The following ATP11C variants were observed in gnomAD, a reference collection of about 807,000 sequenced individuals.
ATP11C encodes the protein ATPase phospholipid transporting 11C (ATP11C blood group).
In ATP11C, 36 loss-of-function variants were observed where a neutral mutation model predicts 97.4. The observed-to-expected ratio is 0.37, with a 90% CI of 0.28 to 0.49. The LOEUF is 0.49. Among genes scored for constraint, ATP11C ranks in the 20% least tolerant of loss-of-function variants. The pLI, the probability that ATP11C is intolerant of heterozygous loss-of-function variation, is 0.98. For missense variants in ATP11C, 730 were observed against 824.6 expected (o/e 0.89, Z 1.40); for synonymous variants, 275 against 290.9 (o/e 0.95, Z 0.56).
chrX:139,862,823 T>C (rs2084224076), intron 1 of ATP11C, among the ~76,000 whole-genome samples: 1 of 112,071 alleles, frequency 8.9e-6, no homozygotes, highest in Non-Finnish European at 1.9e-5. Flanking sequence ...AACCACTATG[T>C]ATACAGTTCT....
intron 14 of ATP11C, among the ~76,000 whole-genome samples, chrX:139,787,876 C>A (rs1195407037): frequency 2.7e-5 from 3 of 112,199 alleles, no homozygotes; most frequent in Non-Finnish European, 5.6e-5. Flanking sequence ...CTGGGAGCAC[C>A]TCAGAAATAA....
At chrX:139,767,569 G>A (rs1378106557) in intron 20 of ATP11C, among the ~76,000 whole-genome samples, 1 of 111,788 alleles carries the variant, frequency 8.9e-6, no homozygotes, top group Non-Finnish European at 1.9e-5. Flanking sequence ...ATATATAGCT[G>A]TCTAGCACAC....
chrX:139,794,358 T>C (rs1410711035), intron 12 of ATP11C, among the ~76,000 whole-genome samples: 2 of 112,395 alleles, frequency 1.8e-5, no homozygotes, highest in East Asian at 5.6e-4. Context: ...CAGGTTACAC[T>C]TAATTTTGTG....
chrX:139,743,448 T>C, intron 26 of ATP11C, 111 bp downstream of exon 26: 1 of 477,536 alleles, frequency 2.1e-6, no homozygotes, highest in African/African-American at 2.4e-5. Flanking sequence ...AACACTTGAA[T>C]AACAACCCAT....
Position 139,745,737 on chromosome X carries a change from T to C in ATP11C, c.2949A>G (p.Leu983=). The C allele has an allele frequency of 1.7e-6, 2 of 1,204,036 alleles. No individual in the cohort carries two copies. Among genetic ancestry groups the C allele is most frequent in the Non-Finnish European group, 2.2e-6 (2 of 892,581 alleles). ...TTCTTTTTACCTTTCCATTTTCTTC[T>C]AGGGATGCAGTCTGAAAAAGAAAGT... The part of the protein sequence containing the change: ...GTYFLFQTAS[L]EENGKVYGNW... The change falls in exon 25 of 30, where the codon CTA becomes CTG. Residue 983 remains leucine, a synonymous_variant. Transcript: ENST00000682941.
chrX:139,829,186 T>C lies in ATP11C; in HGVS notation c.28-2363A>G, dbSNP rs777948702. Among the ~76,000 whole-genome samples the C allele has an allele frequency of 5.4e-5, 6 of 111,636 alleles. No homozygotes were observed. In the South Asian group the frequency reaches 1.5e-3, roughly 28 times the overall value. On this transcript the variant is annotated intron_variant, in intron 1 of 29. Transcript: ENST00000682941. ...GTCCACTCCTGAGCATTTTCCAAAA[T>C]AGCATTTTACAGTCTCTTTACCCTA...
chrX:139,727,337 T>A lies in ATP11C; in HGVS notation c.*1629A>T, dbSNP rs1324045904. The A allele has an allele frequency of 8.9e-6, 1 of 111,941 alleles. No individual in the cohort carries two copies. 9.2% of individuals were successfully genotyped at this position (111,941 alleles called of 1,213,427 possible). On this transcript the variant is annotated 3_prime_UTR_variant, in exon 30 of 30. Transcript: ENST00000682941. ...ATAGAGACTTTTGTTTTCAGCAGCT[T>A]ACCTCAAATACGGGCTACCAGAACA...
chrX:139,786,493 G>GTACC (rs201710546), intron 15 of ATP11C, among the ~76,000 whole-genome samples: 4,818 of 111,126 alleles, frequency 0.043, 119 homozygotes, highest in Non-Finnish European at 0.06. Flanking sequence ...CTCTCCAAAA[G>GTACC]GGTGCATTAC....
intron 1 of ATP11C, among the ~76,000 whole-genome samples, chrX:139,899,423 G>A (rs1348362008): frequency 1.9e-5 from 2 of 108,093 alleles, no homozygotes; most frequent in Admixed American, 1.0e-4. Flanking sequence ...GTTGCAGTGA[G>A]CTGAGATCGC....
chrX:139,856,351 G>C (rs887323780), intron 1 of ATP11C, among the ~76,000 whole-genome samples: 2 of 112,966 alleles, frequency 1.8e-5, no homozygotes, highest in Non-Finnish European at 3.7e-5. Flanking sequence ...TGTCTCCCTT[G>C]ACAGGGAGGA....
chrX:139,875,877 G>C (rs187640409), intron 1 of ATP11C, among the ~76,000 whole-genome samples: 1 of 112,015 alleles, frequency 8.9e-6, no homozygotes, highest in Non-Finnish European at 1.9e-5. Flanking sequence ...CTTAGGAGTA[G>C]AGCAGGATAC....
chrX:139,833,508 C>G (rs1437025482), intron 1 of ATP11C, among the ~76,000 whole-genome samples: 2 of 110,383 alleles, frequency 1.8e-5, no homozygotes, highest in African/African-American at 3.3e-5. Flanking sequence ...CATAGTGAGA[C>G]CCCTGTCTCT....
At chrX:139,897,231 T>G (rs1184357827) in intron 1 of ATP11C, among the ~76,000 whole-genome samples, 1 of 110,476 alleles carries the variant, frequency 9.1e-6, no homozygotes, top group Non-Finnish European at 1.9e-5. Flanking sequence ...CTCAAAATAA[T>G]AAGGGAAACT....
rs750153040 is a variant in ATP11C at position 139,787,133 on chromosome X, G to A, written c.1592+40C>T. The A allele has an allele frequency of 5.0e-6, 6 of 1,204,411 alleles. No individual in the cohort carries two copies. The South Asian group carries it at 1.1e-4, about 21-fold the overall frequency. On this transcript the variant is annotated intron_variant, in intron 15 of 29. Coordinates refer to ENST00000682941, the MANE Select transcript of ATP11C (RefSeq NM_001353812.2). ...CTGAATCCACTTAAATTTGACTATGGGGTTAAGAAATGACAAACATCAAAC... is the reference window on the plus strand; with the variant it reads ...CTGAATCCACTTAAATTTGACTATGAGGTTAAGAAATGACAAACATCAAAC...
At chrX:139,848,054 A>T (rs1253171337) in intron 1 of ATP11C, among the ~76,000 whole-genome samples, 1 of 111,119 alleles carries the variant, frequency 9.0e-6, no homozygotes, top group Admixed American at 9.6e-5. Flanking sequence ...TGGCCTCTCC[A>T]TCTCATCTCC....
chrX:139,813,410 A>G (rs1428605048), intron 5 of ATP11C, among the ~76,000 whole-genome samples: 1 of 111,982 alleles, frequency 8.9e-6, no homozygotes, highest in Non-Finnish European at 1.9e-5. Context: ...ACAATTCAGC[A>G]CTTCTTTGTA....
chrX:139,848,179 T>C (rs1289781309), intron 1 of ATP11C, among the ~76,000 whole-genome samples: 1 of 111,825 alleles, frequency 8.9e-6, no homozygotes, highest in African/African-American at 3.3e-5. Flanking sequence ...TGGTCACTTA[T>C]TGCCCATTGG....
rs185263561 is a variant in ATP11C, at chrX:139,826,077, G to A, written c.147+627C>T. Among the ~76,000 whole-genome samples the A allele has an allele frequency of 9.9e-3, 1,112 of 111,917 alleles. 11 individuals are homozygous for A. The highest frequency in any genetic ancestry group is 0.014 in the Non-Finnish European group (756 of 53,145). On this transcript the variant is annotated intron_variant, in intron 2 of 29. Transcript: ENST00000682941. Reference sequence around the variant, plus strand: ...TGGTTGGGCCAGGATTTAAATACAGGTGTTCAAACTTCCAGGCCAATGCTC... The same window carrying A: ...TGGTTGGGCCAGGATTTAAATACAGATGTTCAAACTTCCAGGCCAATGCTC...
intron 2 of ATP11C, 142 bp downstream of exon 2, chrX:139,826,562 C>A: frequency 2.5e-6 from 1 of 394,766 alleles, no homozygotes. Context: ...CAGAGGAATA[C>A]TTATTATAGC....
Sources: allele counts gnomAD v4.1 joint callset (sites outside exome capture counted in the v4.1 genomes callset), GRCh38; gene constraint gnomAD v4.1.1; transcripts MANE v1.5; gene names NCBI Gene and HGNC (gene_info 2026-07-23, HGNC 2026-07-21).